The following ERC1 variants were observed in gnomAD, a reference collection of about 807,000 sequenced individuals.
The protein encoded by ERC1 is RAB6 interacting protein 2.
Under a neutral mutation model 132.0 loss-of-function variants are expected in ERC1, and 56 were observed. The ratio of observed to expected loss-of-function variants is 0.42; its 90% confidence interval spans 0.34 to 0.53. The LOEUF is 0.53. Ranked by LOEUF, ERC1 falls within the 20% of genes least tolerant of loss-of-function variation. The pLI is 0.03. For missense variants in ERC1, 1,202 were observed against 1,349.9 expected (o/e 0.89, Z 1.72); for synonymous variants, 478 against 476.1 (o/e 1.00, Z -0.05).
intron 15 of ERC1, among the ~76,000 whole-genome samples, chr12:1,292,391 T>C (rs867668524): frequency 6.6e-6 from 1 of 152,094 alleles, no homozygotes; most frequent in Non-Finnish European, 1.5e-5. Context: ...ACTATACTCA[T>C]TGGGAGCTTA....
intron 15 of ERC1, among the ~76,000 whole-genome samples, chr12:1,348,017 G>T (rs991033479): frequency 6.6e-6 from 1 of 152,038 alleles, no homozygotes; most frequent in Non-Finnish European, 1.5e-5. Context: ...AATGAACACA[G>T]GTTTCTTGTA....
At chr12:1,327,152 A>G (rs1566594891) in intron 15 of ERC1, among the ~76,000 whole-genome samples, 1 of 152,052 alleles carries the variant, frequency 6.6e-6, no homozygotes, top group Non-Finnish European at 1.5e-5. Context: ...TAATTTACAA[A>G]TTACCAAATT....
intron 8 of ERC1, among the ~76,000 whole-genome samples, chr12:1,175,374 T>C (rs765290790): frequency 3.7e-4 from 57 of 152,276 alleles, no homozygotes; most frequent in Non-Finnish European, 1.8e-4. Context: ...CCCGTGGCAC[T>C]GCTTCATCAA....
At chr12:1,036,895 G>A (rs1413790834) in intron 2 of ERC1, among the ~76,000 whole-genome samples, 1 of 152,228 alleles carries the variant, frequency 6.6e-6, no homozygotes, top group African/African-American at 2.4e-5. Flanking sequence ...GCACTATGCA[G>A]AGTGCCATGA....
intron 15 of ERC1, among the ~76,000 whole-genome samples, chr12:1,327,129 A>G (rs1259519772): frequency 2.6e-5 from 4 of 152,168 alleles, no homozygotes; most frequent in Admixed American, 2.6e-4. Flanking sequence ...TTTTGATTCT[A>G]AATCTCATGT....
chr12:1,070,052 TGAGAGA>T (rs147072663), intron 2 of ERC1, among the ~76,000 whole-genome samples: 1 of 149,608 alleles, frequency 6.7e-6, no homozygotes, highest in Admixed American at 6.7e-5. Context: ...TAAGCAACAG[TGAGAGA>T]GAGAGAGAGA....
chr12:1,106,092 G>A (rs1420153194), intron 4 of ERC1, among the ~76,000 whole-genome samples: 1 of 152,106 alleles, frequency 6.6e-6, no homozygotes, highest in Admixed American at 6.5e-5. Flanking sequence ...TCAAAATCTC[G>A]CTTCACTTAA....
chr12:1,119,761 G>A (rs550265862), intron 7 of ERC1, among the ~76,000 whole-genome samples: 54 of 152,150 alleles, frequency 3.5e-4, no homozygotes, highest in African/African-American at 1.3e-3. Flanking sequence ...TGTTGGTCAG[G>A]CTGGTCTCGA....
At chr12:1,185,303 C>T (rs1954950542) in intron 11 of ERC1, among the ~76,000 whole-genome samples, 1 of 152,036 alleles carries the variant, frequency 6.6e-6, no homozygotes, top group African/African-American at 2.4e-5. Context: ...GCCTCCCAAA[C>T]TGCTGGGAGC....
At chr12:1,346,082 C>T (rs966096951) in intron 15 of ERC1, among the ~76,000 whole-genome samples, 1 of 152,138 alleles carries the variant, frequency 6.6e-6, no homozygotes, top group Non-Finnish European at 1.5e-5. Flanking sequence ...TTTCTATAAC[C>T]TGGGAAATGT....
At chr12:1,173,724 C>T (rs1346747770) in intron 8 of ERC1, among the ~76,000 whole-genome samples, 2 of 152,180 alleles carry the variant, frequency 1.3e-5, no homozygotes, top group Admixed American at 1.3e-4. Context: ...TCAACATTAG[C>T]TTGGTGAAAA....
At chr12:1,438,031 C>T (rs1253011502) in intron 17 of ERC1, among the ~76,000 whole-genome samples, 6 of 143,870 alleles carry the variant, frequency 4.2e-5, no homozygotes, top group Non-Finnish European at 8.8e-5. Context: ...TTCTGATTAA[C>T]GTTTATTCAT....
At chr12:1,160,522 G>T (rs984304966) in intron 8 of ERC1, among the ~76,000 whole-genome samples, 5 of 152,022 alleles carry the variant, frequency 3.3e-5, no homozygotes, top group African/African-American at 9.6e-5. Context: ...ATCACCTGAG[G>T]TCAGGAGCTT....
intron 15 of ERC1, among the ~76,000 whole-genome samples, chr12:1,347,830 A>G (rs1271480532): frequency 2.0e-5 from 3 of 152,088 alleles, no homozygotes; most frequent in African/African-American, 7.2e-5. Flanking sequence ...TAAAAATACA[A>G]AAATTAGCCA....
chr12:1,183,620 A>G (rs1249780280), intron 11 of ERC1, among the ~76,000 whole-genome samples, 199 bp downstream of exon 11: 1 of 152,222 alleles, frequency 6.6e-6, no homozygotes, highest in African/African-American at 2.4e-5. Flanking sequence ...ATCTTTAAAA[A>G]TTGACAGTTC....
chr12:1,191,491 T>C (rs1955732717), intron 12 of ERC1, among the ~76,000 whole-genome samples: 2 of 152,188 alleles, frequency 1.3e-5, no homozygotes, highest in African/African-American at 4.8e-5. Context: ...TAAGTTTTAT[T>C]TTATGGTTTG....
chr12:1,487,010 G>A (rs2154433956), intron 18 of ERC1, among the ~76,000 whole-genome samples: 1 of 152,294 alleles, frequency 6.6e-6, no homozygotes, highest in Middle Eastern at 3.4e-3. Flanking sequence ...AACCTTTTCT[G>A]TAGCTTGGTT....
Position 1,027,979 on chromosome 12 carries a change from C to T in ERC1, c.76C>T (p.Arg26Cys), listed in dbSNP as rs775535153. 24 of 1,614,162 alleles carry T rather than the reference C, an allele frequency of 1.5e-5. No homozygotes were observed. The highest frequency in any genetic ancestry group is 5.0e-5 in the Admixed American group (3 of 60,018). Residue 26 changes from arginine (R) to cysteine (C), a missense_variant, in exon 2 of 19, where the codon CGT becomes TGT. By Grantham distance (180) the Arg-to-Cys change is radical (BLOSUM62 -3). Coordinates refer to ENST00000360905, the MANE Select transcript of ERC1 (RefSeq NM_178040.4). ...QSPGRSPRLP[R>C]SPRLGHRRTN... ...CCCTGGGCGTTCACCCAGGCTTCCACGTTCCCCTCGCTTGGGTCACCGTCG... is the reference window on the plus strand; with the variant it reads ...CCCTGGGCGTTCACCCAGGCTTCCATGTTCCCCTCGCTTGGGTCACCGTCG...
chr12:1,260,917 T>C (rs2077102090), intron 13 of ERC1, among the ~76,000 whole-genome samples: 1 of 152,246 alleles, frequency 6.6e-6, no homozygotes, highest in Non-Finnish European at 1.5e-5. Context: ...GAGAAAGATT[T>C]TGAACCAGGC....
Sources: allele counts gnomAD v4.1 joint callset (sites outside exome capture counted in the v4.1 genomes callset), GRCh38; gene constraint gnomAD v4.1.1; transcripts MANE v1.5; gene names NCBI Gene and HGNC (gene_info 2026-07-23, HGNC 2026-07-21).